Variants in COL24A1 observed in about 807,000 individuals in gnomAD.
The protein encoded by COL24A1 is collagen alpha-1(XXIV) chain.
In COL24A1, 224 loss-of-function variants were observed where a neutral mutation model predicts 253.9. The ratio of observed to expected loss-of-function variants is 0.88; its 90% CI spans 0.79 to 0.99. The LOEUF (loss-of-function observed/expected upper bound fraction) is 0.99, where lower values mean the gene tolerates loss of function less well. Ranked by LOEUF, COL24A1 falls within the 50% of genes least tolerant of loss-of-function variation. The pLI, the probability that COL24A1 is intolerant of heterozygous loss-of-function variation, is 0.00. For missense variants in COL24A1, 2,131 were observed against 2,068.5 expected (o/e 1.03, Z -0.59); for synonymous variants, 685 against 673.7 (o/e 1.02, Z -0.26).
Position 85,824,115 on chromosome 1 carries a change from C to T in COL24A1, c.3682-377G>A, listed in dbSNP as rs976792726. Among the ~76,000 whole-genome samples the T allele has an allele frequency of 4.6e-5, 7 of 152,058 alleles. 1 individual carries two copies. The highest frequency in any genetic ancestry group is 2.0e-4 in the Admixed American group (3 of 15,248). ...TCAAGATAAGATTATCCTGGATTATCCATGTGGGCCCTAAATCCACTAAAG... is the reference window on the plus strand; with the variant it reads ...TCAAGATAAGATTATCCTGGATTATTCATGTGGGCCCTAAATCCACTAAAG... On this transcript the variant is annotated intron_variant, in intron 43 of 59. Coordinates refer to ENST00000370571, the MANE Select transcript of COL24A1 (RefSeq NM_152890.7).
chr1:85,869,626 C>A (rs1274586898), intron 35 of COL24A1, among the ~76,000 whole-genome samples: 3 of 152,090 alleles, frequency 2.0e-5, no homozygotes, highest in Non-Finnish European at 4.4e-5. Context: ...GAAATAAAAT[C>A]CTTTAAGGAC....
At chr1:86,128,414 T>C (rs1648645976) in intron 2 of COL24A1, among the ~76,000 whole-genome samples, 1 of 151,978 alleles carries the variant, frequency 6.6e-6, no homozygotes, top group Non-Finnish European at 1.5e-5. Context: ...GAAATCACAA[T>C]GCTTAAATTT....
chr1:86,027,619 ATG>A (rs1299239319), intron 14 of COL24A1, among the ~76,000 whole-genome samples: 1 of 152,234 alleles, frequency 6.6e-6, no homozygotes. Context: ...AAATGCCTGG[ATG>A]TCCAGGCAGA....
At chr1:85,799,114 C>T (rs954493965) in intron 47 of COL24A1, among the ~76,000 whole-genome samples, 3 of 151,764 alleles carry the variant, frequency 2.0e-5, no homozygotes, top group African/African-American at 7.3e-5. Flanking sequence ...CGGTGAGCCT[C>T]CCCTGTACTG....
intron 8 of COL24A1, among the ~76,000 whole-genome samples, chr1:86,063,359 C>CTGTG (rs372205588): frequency 2.0e-4 from 23 of 117,514 alleles, no homozygotes; most frequent in South Asian, 6.8e-4. Context: ...GTCTCTCTCT[C>CTGTG]TGTGTGTGTG....
chr1:85,993,801 A>AT (rs1310784814), intron 19 of COL24A1, among the ~76,000 whole-genome samples: 1 of 152,058 alleles, frequency 6.6e-6, no homozygotes, highest in Non-Finnish European at 1.5e-5. Context: ...GGTAGGCAAC[A>AT]TTTTTTAAGG....
chr1:86,108,620 TAAAAAA>T (rs55852463), intron 5 of COL24A1, among the ~76,000 whole-genome samples: 32,901 of 82,756 alleles, frequency 0.4, 5,898 homozygotes, highest in Non-Finnish European at 0.41. Flanking sequence ...CCATCTCTAC[TAAAAAA>T]AAAAAAAAAA....
At chr1:85,933,336 C>G (rs1016986669) in intron 24 of COL24A1, among the ~76,000 whole-genome samples, 2 of 152,026 alleles carry the variant, frequency 1.3e-5, no homozygotes, top group Admixed American at 1.3e-4. Context: ...CATTAAAAAC[C>G]TACGTTTTTG....
intron 50 of COL24A1, 74 bp from the exon 51 acceptor site, chr1:85,783,632 T>C: frequency 4.6e-6 from 6 of 1,303,512 alleles, no homozygotes; most frequent in Non-Finnish European, 6.6e-6. Context: ...TATATAAATC[T>C]ATCAAGAATT....
chr1:85,932,840 A>G (rs1269081781), intron 24 of COL24A1, among the ~76,000 whole-genome samples: 2 of 69,012 alleles, frequency 2.9e-5, no homozygotes, highest in Non-Finnish European at 5.5e-5. Flanking sequence ...CGCAAGAACA[A>G]AAAACCAAAC....
At chr1:85,947,990 C>T (rs1689493645) in intron 24 of COL24A1, among the ~76,000 whole-genome samples, 1 of 151,770 alleles carries the variant, frequency 6.6e-6, no homozygotes. Flanking sequence ...ATTTTTGAAA[C>T]AGTTTATTCC....
chr1:85,992,678 A>G (rs1378160622), intron 19 of COL24A1, among the ~76,000 whole-genome samples: 15 of 152,208 alleles, frequency 9.9e-5, no homozygotes, highest in Non-Finnish European at 1.5e-4. Context: ...CAGGAAGAAA[A>G]GTAAAAACAA....
At position 85,860,512 on chromosome 1, in the gene COL24A1, C is replaced by T. The variant is rs185672034; in HGVS notation, c.3300+8007G>A. Among the ~76,000 whole-genome samples the T allele has an allele frequency of 3.9e-5, 6 of 152,256 alleles. No individual in the cohort carries two copies. In the East Asian group the frequency reaches 5.8e-4, roughly 15 times the overall value. ...ATCCCAGCAGTTTGGGAGGCAGAGG[C>T]GGGCAGATCACGAGGTCAGGAGATT... On this transcript the variant is annotated intron_variant, in intron 37 of 59. Coordinates refer to ENST00000370571, the MANE Select transcript of COL24A1 (RefSeq NM_152890.7).
At chr1:85,972,643 A>C (rs886540604) in intron 20 of COL24A1, among the ~76,000 whole-genome samples, 5 of 151,146 alleles carry the variant, frequency 3.3e-5, no homozygotes, top group Admixed American at 2.6e-4. Flanking sequence ...CTTTTAGTGC[A>C]CGTTGTTTGA....
At chr1:86,082,303 T>C (rs1204113424) in intron 7 of COL24A1, among the ~76,000 whole-genome samples, 1 of 152,138 alleles carries the variant, frequency 6.6e-6, no homozygotes. Context: ...TCAAGCTTTA[T>C]CTCTTGACAC....
chr1:86,056,965 G>T (rs1281579837), intron 10 of COL24A1, among the ~76,000 whole-genome samples: 2 of 151,770 alleles, frequency 1.3e-5, no homozygotes, highest in East Asian at 1.9e-4. Context: ...TAAAAATAAA[G>T]AATTTTAAAA....
intron 19 of COL24A1, among the ~76,000 whole-genome samples, chr1:86,001,026 A>C (rs906639187): frequency 2.9e-4 from 44 of 152,362 alleles, no homozygotes; most frequent in African/African-American, 8.4e-4. Context: ...TATTAAAAGC[A>C]GACAAAAACC....
intron 32 of COL24A1, among the ~76,000 whole-genome samples, chr1:85,879,816 T>C (rs1286432191): frequency 6.6e-6 from 1 of 152,044 alleles, no homozygotes; most frequent in Non-Finnish European, 1.5e-5. Context: ...GTCTCAGGGG[T>C]AGCGGAGGTG....
chr1:85,944,733 T>C (rs1190755327), intron 24 of COL24A1, among the ~76,000 whole-genome samples: 1 of 152,258 alleles, frequency 6.6e-6, no homozygotes, highest in African/African-American at 2.4e-5. Context: ...TATCTCCTAA[T>C]GCTATCCCTC....
Sources: allele counts gnomAD v4.1 joint callset (sites outside exome capture counted in the v4.1 genomes callset), GRCh38; gene constraint gnomAD v4.1.1; transcripts MANE v1.5; gene names NCBI Gene and HGNC (gene_info 2026-07-23, HGNC 2026-07-21).